PLXND1: variants seen among roughly 807,000 people sequenced by gnomAD.
PLXND1 encodes the protein plexin D1, also known as plexin-D1.
In PLXND1, 54 loss-of-function variants were observed where a neutral mutation model predicts 197.7. The observed-to-expected ratio is 0.27, with a 90% confidence interval of 0.22 to 0.34. The LOEUF (loss-of-function observed/expected upper bound fraction) is 0.34. PLXND1 is among the 10% of genes least tolerant of loss of function. PLXND1 has a pLI of 1.00. For synonymous variants in PLXND1, 1,180 were observed against 1,161.2 expected (o/e 1.02, Z -0.33); for missense variants, 2,127 against 2,699.2 (o/e 0.79, Z 4.70).
At chr3:129,565,271 TG>T in intron 25 of PLXND1, 68 bp downstream of exon 25, 2 of 1,360,692 alleles carry the variant, frequency 1.5e-6, no homozygotes, top group Non-Finnish European at 2.1e-6. Flanking sequence ...TGGGAGGCCG[TG>T]GGGTCACTGC....
At chr3:129,583,030 G>A (rs573296707) in intron 8 of PLXND1, among the ~76,000 whole-genome samples, 1 of 152,326 alleles carries the variant, frequency 6.6e-6, no homozygotes, top group Admixed American at 6.5e-5. Flanking sequence ...AACCCAGGCA[G>A]GGCCCTTTCC....
chr3:129,605,536 G>A lies in PLXND1; in HGVS notation c.1104C>T (p.Leu368=). The change falls in exon 1 of 36, where the codon CTC becomes CTT. Residue 368 remains leucine (L), a synonymous_variant. Transcript: ENST00000324093. ...CCTGGGGCCGCTCGAAGACAGCAAA[G>A]AGCCGCTCCCGGGCTGGGAAGACCG... The part of the protein sequence containing the change: ...LVSVFPARER[L]FAVFERPQGS... 3.3e-6 allele frequency: 5 copies of A among 1,526,440 alleles called. No individual in the cohort carries two copies. Among genetic ancestry groups the A allele is most frequent in the Non-Finnish European group, 3.5e-6 (4 of 1,142,078 alleles). 94.6% of individuals were successfully genotyped at this position (1,526,440 alleles called of 1,614,324 possible).
Position 129,558,571 on chromosome 3 carries a change from G to A in PLXND1, c.5302C>T (p.Pro1768Ser), listed in dbSNP as rs1560057113. 1 of 1,613,948 alleles carries A rather than the reference G, an allele frequency of 6.2e-7. No homozygotes were observed. The highest frequency in any genetic ancestry group is 8.5e-7 in the Non-Finnish European group (1 of 1,179,922). ...TLHIWKTNSL[P>S]LRFWVNILKN... ...AGGATGTTCACCCAGAACCGGAGAG[G>A]AAGGCTGTGGGGTAGGGTGACAAAG... is the stretch of plus-strand genomic sequence containing the variant. The change falls in exon 33 of 36, where the codon CCT becomes TCT. Residue 1768 changes from proline to serine, a missense_variant. By Grantham distance (74) the Pro-to-Ser change is moderately conservative. Around this residue, in one of 6 missense-constraint regions of PLXND1, gnomAD observed 200 missense variants for 303.3 expected, o/e 0.66. Coordinates refer to ENST00000324093, the MANE Select transcript of PLXND1 (RefSeq NM_015103.3). This position sits in a 1 kb window ranked among gnomAD's most constrained non-coding sequence, Gnocchi z 4.1.
rs921416552 is a variant in PLXND1, at chr3:129,558,384, C to A, written c.5445+44G>T. The A allele has an allele frequency of 1.9e-6, 3 of 1,589,176 alleles. No homozygotes were observed. The African/African-American group carries it at 4.0e-5, about 21-fold the overall frequency. Reference sequence around the variant, plus strand: ...GGCTACCCATGGTCGGCACCCCACTCTGGCCCTGTGCATGGGCCTGGCCTG... The same window carrying A: ...GGCTACCCATGGTCGGCACCCCACTATGGCCCTGTGCATGGGCCTGGCCTG... On this transcript the variant is annotated intron_variant, in intron 33 of 35. Transcript: ENST00000324093. This position sits in a 1 kb window ranked among gnomAD's most constrained non-coding sequence, Gnocchi z 4.1.
At chr3:129,568,437 CA>C (rs1451274146) in intron 20 of PLXND1, among the ~76,000 whole-genome samples, 1 of 151,952 alleles carries the variant, frequency 6.6e-6, no homozygotes, top group Non-Finnish European at 1.5e-5. Flanking sequence ...TCAGTTTTTC[CA>C]AAAATTTTCT....
chr3:129,574,255 CAAG>C (rs948073799), intron 12 of PLXND1, 78 bp downstream of exon 12: 14 of 1,360,218 alleles, frequency 1.0e-5, no homozygotes, highest in Admixed American at 7.7e-5. Context: ...TTTGGGTCCC[CAAG>C]AAGTGGGACC....
intron 1 of PLXND1, among the ~76,000 whole-genome samples, chr3:129,599,034 C>T (rs986922581): frequency 6.6e-6 from 1 of 152,224 alleles, no homozygotes; most frequent in African/African-American, 2.4e-5. Flanking sequence ...GGGAAGGCTT[C>T]CTTGCCACTC....
intron 2 of PLXND1, 44 bp downstream of exon 2, chr3:129,589,307 G>GCCGGCCCCCCCC: frequency 1.0e-5 from 7 of 684,690 alleles, no homozygotes; most frequent in East Asian, 7.2e-5. Context: ...TCCCAGGGGA[G>GCCGGCCCCCCCC]CCTCCCACCC....
intron 11 of PLXND1, among the ~76,000 whole-genome samples, chr3:129,575,249 T>A (rs1425567753): frequency 2.0e-5 from 3 of 146,706 alleles, no homozygotes; most frequent in African/African-American, 7.3e-5. Flanking sequence ...ATGGGGACGA[T>A]CAGGCCCAGG....
chr3:129,586,136 C>T (rs1408930940), intron 4 of PLXND1, 36 bp downstream of exon 4: 3 of 1,611,556 alleles, frequency 1.9e-6, no homozygotes, highest in African/African-American at 2.7e-5. Flanking sequence ...CCCCCACAGC[C>T]CTCCTGGTCC....
chr3:129,593,489 G>T (rs1434729578), intron 1 of PLXND1, among the ~76,000 whole-genome samples: 1 of 152,270 alleles, frequency 6.6e-6, no homozygotes, highest in Admixed American at 6.5e-5. Context: ...AAGTTTTCAA[G>T]ATGTGGCTCA....
chr3:129,581,148 G>A (rs147161546), intron 8 of PLXND1, among the ~76,000 whole-genome samples: 13 of 152,356 alleles, frequency 8.5e-5, no homozygotes, highest in Middle Eastern at 3.4e-3. Context: ...GAGGGGCCAC[G>A]TGGTGTGCAG....
At position 129,562,906 on chromosome 3, in the gene PLXND1, G is replaced by C; in HGVS notation, c.4706C>G (p.Ser1569Trp). 2 of 1,608,930 alleles carry C rather than the reference G, an allele frequency of 1.2e-6. No individual in the cohort carries two copies. Among genetic ancestry groups the C allele is most frequent in the Non-Finnish European group, 1.7e-6 (2 of 1,175,648 alleles). ...GGTGTCCATGGCCCGCACGCTCAGC[G>C]AGTCCATGCCACAGCCCTGGAAGGA... ...NVSFQGCGMDSLSVRAMDTDT... is the reference protein window; with the variant it reads ...NVSFQGCGMDWLSVRAMDTDT... Residue 1569 changes from serine to tryptophan, a missense_variant, in exon 27 of 36, where the codon TCG becomes TGG. Transcript: ENST00000324093.
chr3:129,560,027 C>T (rs577041040), intron 31 of PLXND1, among the ~76,000 whole-genome samples: 72 of 152,352 alleles, frequency 4.7e-4, no homozygotes, highest in African/African-American at 1.7e-3. Flanking sequence ...GGGGTGCCGG[C>T]GCTGCCACTG....
chr3:129,600,953 G>A (rs1053381629), intron 1 of PLXND1, among the ~76,000 whole-genome samples: 1 of 151,986 alleles, frequency 6.6e-6, no homozygotes, highest in African/African-American at 2.4e-5. Flanking sequence ...ACTGACATTG[G>A]CCTGTCGGTA....
In PLXND1 at chr3:129,562,791, G is replaced by T. The variant is rs1480934691; in HGVS notation, c.4821C>A (p.Asp1607Glu). The change falls in exon 27 of 36, where the codon GAC becomes GAA. Residue 1607 changes from aspartate (D) to glutamate (E), a missense_variant. By Grantham distance (45) the Asp-to-Glu change is conservative (BLOSUM62 2). Transcript: ENST00000324093. Reference sequence around the variant, plus strand: ...TCTGCCCCCATTCCCACCCACCAAGGTCGACGTCCTCTGCACGCGGCCACT... The same window carrying T: ...TCTGCCCCCATTCCCACCCACCAAGTTCGACGTCCTCTGCACGCGGCCACT... ...YSQWPRAEDV[D>E]LEWFASSTQS... is the part of the protein sequence containing the mutation. 7 of 1,593,576 alleles carry T rather than the reference G, an allele frequency of 4.4e-6. No individual in the cohort carries two copies. Among genetic ancestry groups the T allele is most frequent in the Admixed American group, 1.7e-5 (1 of 59,594 alleles).
In PLXND1 at chr3:129,559,613, C is replaced by T; in HGVS notation, c.5297+7G>A. 6.3e-7 allele frequency: 1 copy of T among 1,590,912 alleles called. No individual in the cohort carries two copies. Among genetic ancestry groups the T allele is most frequent in the Non-Finnish European group, 8.6e-7 (1 of 1,167,580 alleles). On this transcript the variant is annotated splice_region_variant and intron_variant, in intron 32 of 35. Coordinates refer to ENST00000324093, the MANE Select transcript of PLXND1 (RefSeq NM_015103.3). ...AGTGAAGTCCACACGGCCCCCCCAC[C>T]CGCCACCTGTTGGTCTTCCAGATGT...
chr3:129,597,733 G>C (rs1359533781), intron 1 of PLXND1, among the ~76,000 whole-genome samples: 1 of 152,250 alleles, frequency 6.6e-6, no homozygotes, highest in African/African-American at 2.4e-5. Context: ...ATGCCTGTCT[G>C]GGCGGTCTGT....
chr3:129,601,982 G>C (rs770633688), intron 1 of PLXND1, among the ~76,000 whole-genome samples: 1 of 152,164 alleles, frequency 6.6e-6, no homozygotes, highest in African/African-American at 2.4e-5. Context: ...ATCTATTCCC[G>C]GGAGGCGGCC....
Sources: allele counts gnomAD v4.1 joint callset (sites outside exome capture counted in the v4.1 genomes callset), GRCh38; gene constraint gnomAD v4.1.1; regional missense constraint gnomAD v4.1.1; non-coding constraint Gnocchi (gnomAD v3.1); transcripts MANE v1.5; gene names NCBI Gene and HGNC (gene_info 2026-07-23, HGNC 2026-07-21).